Variants in WASF3 observed in about 807,000 individuals in gnomAD.
The protein encoded by WASF3 is actin-binding protein WASF3.
Under a neutral mutation model 46.6 loss-of-function variants are expected in WASF3, and 11 were observed. The observed-to-expected ratio is 0.24, with a 90% CI of 0.15 to 0.39. The LOEUF is 0.39. Among genes scored for constraint, WASF3 ranks in the 10% least tolerant of loss-of-function variants. WASF3 has a pLI of 1.00. For missense variants in WASF3, 576 were observed against 669.8 expected (o/e 0.86, Z 1.55); for synonymous variants, 242 against 259.7 (o/e 0.93, Z 0.65).
intron 3 of WASF3, among the ~76,000 whole-genome samples, chr13:26,644,215 C>T (rs1882082941): frequency 6.6e-6 from 1 of 152,218 alleles, no homozygotes; most frequent in Non-Finnish European, 1.5e-5. Context: ...TGGTTCTCTC[C>T]TGAAGTCCCC....
chr13:26,659,346 T>C (rs905799416), intron 3 of WASF3, among the ~76,000 whole-genome samples: 1 of 152,040 alleles, frequency 6.6e-6, no homozygotes, highest in Non-Finnish European at 1.5e-5. Flanking sequence ...GCCAGGGTAG[T>C]TGGAGTGGGA....
intron 2 of WASF3, among the ~76,000 whole-genome samples, chr13:26,626,926 C>T (rs1881482005): frequency 6.6e-6 from 1 of 152,166 alleles, no homozygotes; most frequent in African/African-American, 2.4e-5. Context: ...TTGACGTCTT[C>T]AACAACTCCT....
At chr13:26,678,879 A>G (rs1017187600) in intron 7 of WASF3, among the ~76,000 whole-genome samples, 15 of 152,120 alleles carry the variant, frequency 9.9e-5, no homozygotes, top group Admixed American at 7.2e-4. Context: ...TGGGGGATAT[A>G]TCGACCTCTC....
rs141151301 is a variant in WASF3 at position 26,655,826 on chromosome 13, C to T, written c.134-9202C>T. Among the ~76,000 whole-genome samples, 13 of 152,174 alleles carry T rather than the reference C, an allele frequency of 8.5e-5. No homozygotes were observed. The East Asian group carries it at 2.5e-3, about 29-fold the overall frequency. On this transcript the variant is annotated intron_variant, in intron 3 of 9. Coordinates refer to ENST00000335327, the MANE Select transcript of WASF3 (RefSeq NM_006646.6). ...TTTTCCACATTTGGCTGGTGGGAGCCCTTTCAGACAGGCTTCTGTGTCCTT... is the reference window on the plus strand; with the variant it reads ...TTTTCCACATTTGGCTGGTGGGAGCTCTTTCAGACAGGCTTCTGTGTCCTT...
In WASF3 at chr13:26,610,566, CA is replaced by C. The variant is rs543987575; in HGVS notation, c.-108-2393del. On this transcript the variant is annotated intron_variant, in intron 1 of 9. Transcript: ENST00000335327. ...GCCATAGCAGGTTGCAGTTTGAAGG[CA>C]AGAGACCTTTGGATACCTGGAAACT... 8.0e-4 allele frequency among the ~76,000 whole-genome samples: 122 copies of C among 152,212 alleles called. 1 individual carries two copies. The highest frequency in any genetic ancestry group is 2.8e-3 in the African/African-American group (118 of 41,534).
Position 26,635,495 on chromosome 13 carries a change from C to T in WASF3, c.-10-6766C>T, listed in dbSNP as rs952516760. On this transcript the variant is annotated intron_variant, in intron 2 of 9. Transcript: ENST00000335327. ...CTTCTGAAGCCTGCTTCTGTCAACT[C>T]GTCAAAGTCATTCTCCGTCCAGCTT... 5.3e-5 allele frequency among the ~76,000 whole-genome samples: 8 copies of T among 152,208 alleles called. No individual in the cohort carries two copies. In the East Asian group the frequency reaches 1.3e-3, roughly 26 times the overall value.
chr13:26,620,090 CTT>C (rs199810384), intron 2 of WASF3, among the ~76,000 whole-genome samples: 2,567 of 152,204 alleles, frequency 0.017, 37 homozygotes, highest in African/African-American at 0.045. Flanking sequence ...TTTTGGGTCT[CTT>C]TGTCTTAATC....
At chr13:26,587,374 A>G (rs142154094) in intron 1 of WASF3, among the ~76,000 whole-genome samples, 1 of 152,152 alleles carries the variant, frequency 6.6e-6, no homozygotes, top group East Asian at 1.9e-4. Flanking sequence ...TGAAAGGGCT[A>G]CACAGTGGAG....
At chr13:26,599,505 A>T (rs945350477) in intron 1 of WASF3, among the ~76,000 whole-genome samples, 2 of 152,162 alleles carry the variant, frequency 1.3e-5, no homozygotes, top group Non-Finnish European at 2.9e-5. Flanking sequence ...CACCTTGTGC[A>T]CTACCCATGT....
At chr13:26,644,532 A>G (rs1882092190) in intron 3 of WASF3, among the ~76,000 whole-genome samples, 1 of 152,210 alleles carries the variant, frequency 6.6e-6, no homozygotes, top group African/African-American at 2.4e-5. Context: ...GCTTTAAAAC[A>G]GGATGCTAGG....
At chr13:26,578,993 C>CTTTTGTTTTTT (rs1879887699) in intron 1 of WASF3, among the ~76,000 whole-genome samples, 1 of 60,638 alleles carries the variant, frequency 1.6e-5, no homozygotes, top group Non-Finnish European at 2.8e-5. Flanking sequence ...GATACATTTC[C>CTTTTGTTTTTT]TTTTTTTTTT....
At chr13:26,645,117 C>T (rs576916486) in intron 3 of WASF3, among the ~76,000 whole-genome samples, 7 of 152,182 alleles carry the variant, frequency 4.6e-5, no homozygotes, top group African/African-American at 9.7e-5. Context: ...CCAACAATTC[C>T]GCGTTGAAAT....
At position 26,577,440 on chromosome 13, in the gene WASF3, A is replaced by G. The variant is rs1879834690; in HGVS notation, c.-109+19621A>G. ...AAAAATGACTTGAAAGAAGTGGTCA[A>G]TAAATTGATTCCAGACAGCATTGGA... is the stretch of plus-strand genomic sequence containing the variant. On this transcript the variant is annotated intron_variant, in intron 1 of 9. Coordinates refer to ENST00000335327, the MANE Select transcript of WASF3 (RefSeq NM_006646.6). The G allele has an allele frequency of 1.5e-5, 12 of 816,254 alleles. 1 individual carries two copies. The South Asian group carries it at 1.6e-4, about 11-fold the overall frequency. The allele number at this position is 816,254 out of a possible 1,614,324, so 50.6% of individuals were successfully genotyped here.
intron 1 of WASF3, among the ~76,000 whole-genome samples, chr13:26,593,848 A>G (rs1339040977): frequency 1.3e-5 from 2 of 152,234 alleles, no homozygotes; most frequent in African/African-American, 4.8e-5. Context: ...AATACTGCAT[A>G]GGTCATTGCA....
intron 1 of WASF3, among the ~76,000 whole-genome samples, chr13:26,571,230 A>AT (rs1184010274): frequency 6.6e-6 from 1 of 151,278 alleles, no homozygotes; most frequent in Non-Finnish European, 1.5e-5. Context: ...GACTTTTCTG[A>AT]TTTTTTTCCC....
At chr13:26,546,914 C>T in the WASF3 span, among the ~76,000 whole-genome samples, 5 of 152,084 alleles carry the variant, frequency 3.3e-5, no homozygotes, top group South Asian at 2.1e-4. Context: ...CCACCCTTAC[C>T]CTCTTCATCA....
At chr13:26,615,410 G>A (rs941681452) in intron 2 of WASF3, among the ~76,000 whole-genome samples, 2 of 152,148 alleles carry the variant, frequency 1.3e-5, no homozygotes, top group African/African-American at 4.8e-5. Context: ...CCTGGTTCAA[G>A]CGATTCTCCT....
At chr13:26,641,104 A>G (rs1050557515) in intron 2 of WASF3, 1 of 152,156 alleles carries the variant, frequency 6.6e-6, no homozygotes, top group Admixed American at 6.5e-5. Context: ...ACCTTTAGCT[A>G]TGCCTAGAGT....
At chr13:26,675,251 G>A (rs1883029091) in intron 6 of WASF3, among the ~76,000 whole-genome samples, 1 of 151,992 alleles carries the variant, frequency 6.6e-6, no homozygotes, top group South Asian at 2.1e-4. Context: ...GGCCTCTAAG[G>A]TCTTCCTGCC....
Sources: gnomAD v4.1 joint callset for allele counts (sites outside exome capture counted in the v4.1 genomes callset) on GRCh38, gnomAD v4.1.1 for gene constraint, MANE v1.5 for transcripts, NCBI Gene and HGNC (gene_info 2026-07-23, HGNC 2026-07-21) for gene names.